The following RBFOX1 variants were observed in gnomAD, a reference collection of about 807,000 sequenced individuals.
RBFOX1 encodes the protein RNA binding fox-1 homolog 1, also known as RNA binding protein fox-1 homolog 1.
RBFOX1 carries 8 observed loss-of-function variants against 57.7 expected under a neutral mutation model. That is an observed-to-expected ratio of 0.14 (90% CI 0.08 to 0.25). RBFOX1 has a LOEUF of 0.25. Ranked by LOEUF, RBFOX1 falls within the 10% of genes least tolerant of loss-of-function variation. The pLI is 1.00. For missense variants in RBFOX1, 611 were observed against 548.5 expected, an observed-to-expected ratio of 1.11 and a Z score of -1.14; for synonymous variants, 326 against 222.4, an observed-to-expected ratio of 1.47 and a Z score of -4.15.
chr16:5,564,415 A>G (rs1230890543), intron 2 of RBFOX1, among the ~76,000 whole-genome samples: 2 of 152,008 alleles, frequency 1.3e-5, no homozygotes, highest in Non-Finnish European at 2.9e-5. Context: ...CTCCCACTGA[A>G]TTTGTCCTTC....
chr16:5,490,821 A>T (rs1042240829), intron 2 of RBFOX1, among the ~76,000 whole-genome samples: 11 of 152,176 alleles, frequency 7.2e-5, no homozygotes. Context: ...TTTCTTCTTA[A>T]TAAACTTTTT....
intron 3 of RBFOX1, among the ~76,000 whole-genome samples, chr16:5,733,121 C>T (rs1307879718): frequency 2.0e-5 from 3 of 152,158 alleles, no homozygotes; most frequent in African/African-American, 2.4e-5. Context: ...AAAAAGTCCC[C>T]TTCTGAAATG....
chr16:6,052,833 T>TAATAATAATAA (rs983467183), intron 1 of RBFOX1, among the ~76,000 whole-genome samples: 1 of 148,626 alleles, frequency 6.7e-6, no homozygotes, highest in South Asian at 2.1e-4. Flanking sequence ...ATAATAATAA[T>TAATAATAATAA]AATATTAATG....
At chr16:6,913,552 C>T (rs539404216) in intron 3 of RBFOX1, among the ~76,000 whole-genome samples, 5 of 152,152 alleles carry the variant, frequency 3.3e-5, no homozygotes, top group Non-Finnish European at 7.3e-5. Context: ...GCCTGGTGTT[C>T]AGGGTGTCTT....
intron 1 of RBFOX1, among the ~76,000 whole-genome samples, chr16:5,275,138 A>G (rs28759012): frequency 0.34 from 51,494 of 152,054 alleles, 8,820 homozygotes; most frequent in African/African-American, 0.39. Context: ...GAAGAGGTAC[A>G]GTGTATTCCT....
At chr16:7,076,312 G>A (rs1170414285) in intron 4 of RBFOX1, among the ~76,000 whole-genome samples, 4 of 151,966 alleles carry the variant, frequency 2.6e-5, no homozygotes, top group African/African-American at 9.7e-5. Context: ...GATTTCAGGC[G>A]TGAACCACCA....
chr16:5,517,523 C>T (rs1413315113), intron 2 of RBFOX1, among the ~76,000 whole-genome samples: 1 of 152,136 alleles, frequency 6.6e-6, no homozygotes, highest in Non-Finnish European at 1.5e-5. Context: ...TTTTATTGGA[C>T]CAGATTTGCA....
intron 2 of RBFOX1, among the ~76,000 whole-genome samples, chr16:6,532,054 C>T (rs1016603317): frequency 2.0e-5 from 3 of 152,142 alleles, no homozygotes; most frequent in Non-Finnish European, 2.9e-5. Context: ...CTAAGTCTTC[C>T]GTCCATGTAT....
chr16:6,253,827 C>T (rs993145325), intron 1 of RBFOX1, among the ~76,000 whole-genome samples: 14 of 152,012 alleles, frequency 9.2e-5, no homozygotes, highest in African/African-American at 2.2e-4. Flanking sequence ...CATTTGCAGC[C>T]GCCACAGTGC....
intron 1 of RBFOX1, among the ~76,000 whole-genome samples, chr16:5,370,408 A>G (rs988700203): frequency 6.6e-6 from 1 of 150,442 alleles, no homozygotes; most frequent in East Asian, 2.0e-4. Context: ...GAACCAGGAT[A>G]GGGCACTGTC....
chr16:5,412,961 C>G (rs146539091), intron 1 of RBFOX1, among the ~76,000 whole-genome samples: 1 of 152,226 alleles, frequency 6.6e-6, no homozygotes, highest in African/African-American at 2.4e-5. Context: ...ACATCTCACT[C>G]GCTGAAGGAC....
rs756367594 is a variant in RBFOX1, at chr16:7,653,958, C to T, written c.890+11C>T. On this transcript the variant is annotated intron_variant, in intron 12 of 15. Coordinates refer to ENST00000550418, the MANE Select transcript of RBFOX1 (RefSeq NM_018723.4). ...CCCGGCCTACGGCGGGTAAGTGGGG[C>T]AGCCTCCTGGGTGGGCCTCCCTGCA... 1 of 1,497,594 alleles carries T rather than the reference C, an allele frequency of 6.7e-7. No homozygotes were observed. Among genetic ancestry groups the T allele is most frequent in the South Asian group, 1.3e-5 (1 of 76,812 alleles). The allele number at this position is 1,497,594 out of a possible 1,614,324, so 92.8% of individuals were successfully genotyped here. A position where few individuals can be genotyped will look rare whatever the true frequency, so the allele number is the denominator to read the frequency against.
In RBFOX1 at chr16:6,970,329, G is replaced by C. The variant is rs191507782; in HGVS notation, c.-15-81728G>C. 9.8e-5 allele frequency among the ~76,000 whole-genome samples: 15 copies of C among 152,286 alleles called. No homozygotes were observed. The East Asian group carries it at 2.5e-3, about 25-fold the overall frequency. ...CTATTTCTGTCCTTTCATTTTCTCAGTATAGTGGTTTGACACTTAGGTTTG... is the reference window on the plus strand; with the variant it reads ...CTATTTCTGTCCTTTCATTTTCTCACTATAGTGGTTTGACACTTAGGTTTG... On this transcript the variant is annotated intron_variant, in intron 3 of 15. Coordinates refer to ENST00000550418, the MANE Select transcript of RBFOX1 (RefSeq NM_018723.4).
chr16:7,433,950 C>T (rs936277365), intron 4 of RBFOX1, among the ~76,000 whole-genome samples: 2 of 152,074 alleles, frequency 1.3e-5, no homozygotes, highest in Non-Finnish European at 2.9e-5. Context: ...CATTTATAAG[C>T]TGAATAGTTA....
intron 3 of RBFOX1, among the ~76,000 whole-genome samples, chr16:5,835,436 G>C (rs2056427028): frequency 6.6e-6 from 1 of 152,222 alleles, no homozygotes; most frequent in Non-Finnish European, 1.5e-5. Context: ...GCTTAATGGA[G>C]AAAGGGGGTT....
At chr16:7,661,686 C>T (rs1027337869) in intron 12 of RBFOX1, among the ~76,000 whole-genome samples, 1 of 152,190 alleles carries the variant, frequency 6.6e-6, no homozygotes, top group Non-Finnish European at 1.5e-5. Context: ...GGGCTTTCTT[C>T]TTCGGTCTTC....
intron 3 of RBFOX1, among the ~76,000 whole-genome samples, chr16:5,626,852 A>AT (rs59649449): frequency 6.0e-4 from 90 of 150,684 alleles, no homozygotes; most frequent in African/African-American, 1.2e-3. Context: ...TATCCAAATC[A>AT]TTTTTTTTTC....
At chr16:7,640,158 C>G (rs1167453835) in intron 11 of RBFOX1, among the ~76,000 whole-genome samples, 2 of 152,252 alleles carry the variant, frequency 1.3e-5, no homozygotes, top group Non-Finnish European at 2.9e-5. Flanking sequence ...CTACCCCCAA[C>G]TTCTTCATCC....
At chr16:6,087,457 T>C (rs527646582) in intron 1 of RBFOX1, among the ~76,000 whole-genome samples, 4 of 152,264 alleles carry the variant, frequency 2.6e-5, no homozygotes, top group African/African-American at 9.6e-5. Flanking sequence ...TGCTAACACT[T>C]TCTAGCCTTT....
Sources: allele counts gnomAD v4.1 joint callset (sites outside exome capture counted in the v4.1 genomes callset), GRCh38; gene constraint gnomAD v4.1.1; transcripts MANE v1.5; gene names NCBI Gene and HGNC (gene_info 2026-07-23, HGNC 2026-07-21).